GRID2: variants seen among roughly 807,000 people sequenced by gnomAD.
The protein encoded by GRID2 is glutamate receptor ionotropic, delta-2.
In GRID2, 33 loss-of-function variants were observed where a neutral mutation model predicts 114.8. The ratio of observed to expected loss-of-function variants is 0.29; its 90% CI spans 0.22 to 0.38. The LOEUF (loss-of-function observed/expected upper bound fraction) is 0.38. Ranked by LOEUF, GRID2 falls within the 10% of genes least tolerant of loss-of-function variation. GRID2 has a pLI of 1.00. For missense variants in GRID2, 1,184 were observed against 1,257.7 expected (o/e 0.94, Z 0.89); for synonymous variants, 505 against 449.9 (o/e 1.12, Z -1.55).
At chr4:92,965,481 AAAAAAAAAC>A (rs1560752206) in intron 2 of GRID2, among the ~76,000 whole-genome samples, 3 of 100,570 alleles carry the variant, frequency 3.0e-5, no homozygotes, top group African/African-American at 1.1e-4. Flanking sequence ...AAAAAAAAAA[AAAAAAAAAC>A]ACACAACATC....
At position 93,290,145 on chromosome 4, in the gene GRID2, C is replaced by T. The variant is rs76868834; in HGVS notation, c.1245+51655C>T. On this transcript the variant is annotated intron_variant, in intron 8 of 15. Coordinates refer to ENST00000282020, the MANE Select transcript of GRID2 (RefSeq NM_001510.4). ...AATCTGGCAAAACTGCCCGGTAGTT[C>T]ATAAAAATGACAATCTCTTTACAGT... Among the ~76,000 whole-genome samples, 1,093 of 152,256 alleles carry T rather than the reference C, an allele frequency of 7.2e-3. 11 individuals carry two copies. The highest frequency in any genetic ancestry group is 0.025 in the African/African-American group (1,031 of 41,552).
chr4:93,025,895 G>T (rs944003406), intron 2 of GRID2, among the ~76,000 whole-genome samples: 9 of 151,620 alleles, frequency 5.9e-5, no homozygotes, highest in Non-Finnish European at 1.3e-4. Flanking sequence ...TAAAAGAGAT[G>T]ATTTTGAATT....
intron 4 of GRID2, among the ~76,000 whole-genome samples, chr4:93,148,933 T>A (rs893176996): frequency 2.6e-5 from 4 of 152,222 alleles, no homozygotes; most frequent in African/African-American, 9.6e-5. Context: ...TTTCATGTAA[T>A]CTCATGACAA....
chr4:93,337,541 G>C (rs1759210537), intron 8 of GRID2, among the ~76,000 whole-genome samples: 1 of 152,146 alleles, frequency 6.6e-6, no homozygotes, highest in Admixed American at 6.5e-5. Flanking sequence ...TTGCTTCGAA[G>C]GGAGACACTA....
intron 3 of GRID2, among the ~76,000 whole-genome samples, chr4:93,094,451 T>A (rs1180509100): frequency 6.6e-6 from 1 of 152,078 alleles, no homozygotes; most frequent in African/African-American, 2.4e-5. Flanking sequence ...TTGTTTTGTT[T>A]ACTATGGCAC....
intron 10 of GRID2, among the ~76,000 whole-genome samples, chr4:93,446,633 A>ACTGT (rs912290376): frequency 6.6e-6 from 1 of 152,064 alleles, no homozygotes; most frequent in Non-Finnish European, 1.5e-5. Context: ...CCAAGGGGGC[A>ACTGT]CTGTCTCTCA....
At chr4:93,176,356 A>G (rs751403010) in intron 4 of GRID2, among the ~76,000 whole-genome samples, 14 of 152,216 alleles carry the variant, frequency 9.2e-5, no homozygotes, top group Non-Finnish European at 1.9e-4. Context: ...TAAATCATAA[A>G]TAGAAAGAAT....
chr4:93,473,463 AT>A (rs1264651658), intron 11 of GRID2, among the ~76,000 whole-genome samples: 1 of 152,166 alleles, frequency 6.6e-6, no homozygotes, highest in Non-Finnish European at 1.5e-5. Flanking sequence ...TCAGCTTTAC[AT>A]TACTGTGTCC....
intron 13 of GRID2, among the ~76,000 whole-genome samples, chr4:93,590,622 T>A (rs541249121): frequency 3.3e-5 from 5 of 152,210 alleles, no homozygotes; most frequent in Non-Finnish European, 5.9e-5. Flanking sequence ...GGGGATAGCA[T>A]TGAATCTGTA....
intron 2 of GRID2, among the ~76,000 whole-genome samples, chr4:93,073,711 G>T (rs975365519): frequency 6.6e-6 from 1 of 152,086 alleles, no homozygotes; most frequent in Non-Finnish European, 1.5e-5. Context: ...TATTGCTACT[G>T]GTAAAGACTC....
intron 8 of GRID2, among the ~76,000 whole-genome samples, chr4:93,296,717 C>T (rs1263236168): frequency 6.6e-6 from 1 of 152,120 alleles, no homozygotes; most frequent in African/African-American, 2.4e-5. Context: ...GATTATTTTG[C>T]ATTGAAAAAG....
intron 14 of GRID2, among the ~76,000 whole-genome samples, chr4:93,709,963 A>AT (rs1317973294): frequency 6.6e-6 from 1 of 152,024 alleles, no homozygotes; most frequent in Non-Finnish European, 1.5e-5. Context: ...AGAATTCTGA[A>AT]TTTTTTTCTC....
At chr4:92,760,237 CAAAAAAAAA>C (rs982301426) in intron 2 of GRID2, among the ~76,000 whole-genome samples, 1 of 38,410 alleles carries the variant, frequency 2.6e-5, no homozygotes, top group Non-Finnish European at 5.2e-5. Flanking sequence ...GACTCTGTCT[CAAAAAAAAA>C]AAAAAAAAAA....
intron 14 of GRID2, among the ~76,000 whole-genome samples, chr4:93,631,013 T>G (rs1229319875): frequency 6.6e-6 from 1 of 152,172 alleles, no homozygotes; most frequent in Non-Finnish European, 1.5e-5. Flanking sequence ...GTTGCTGTCC[T>G]AATTGTACAG....
At chr4:93,238,332 C>T (rs756409259) in intron 7 of GRID2, 39 bp from the exon 8 acceptor site, 22 of 1,451,274 alleles carry the variant, frequency 1.5e-5, no homozygotes, top group Non-Finnish European at 2.0e-5. Context: ...TATTTTTTTA[C>T]TTCTCAAATT....
At chr4:93,327,207 C>T (rs1043416889) in intron 8 of GRID2, among the ~76,000 whole-genome samples, 2 of 152,100 alleles carry the variant, frequency 1.3e-5, no homozygotes, top group East Asian at 3.9e-4. Flanking sequence ...TTAGACCTTT[C>T]CCTTTTGCTC....
chr4:93,578,390 T>A (rs1293237631), intron 13 of GRID2, among the ~76,000 whole-genome samples: 3 of 152,112 alleles, frequency 2.0e-5, no homozygotes, highest in African/African-American at 7.2e-5. Context: ...CTAAAGATTA[T>A]ACTGTTAAAA....
chr4:93,569,724 G>C (rs771828769), intron 13 of GRID2, among the ~76,000 whole-genome samples: 2 of 151,950 alleles, frequency 1.3e-5, no homozygotes, highest in African/African-American at 2.4e-5. Flanking sequence ...TCCTTCAGCC[G>C]CACTGGTCTT....
intron 2 of GRID2, among the ~76,000 whole-genome samples, chr4:92,981,375 A>G (rs1479804401): frequency 1.3e-5 from 2 of 152,076 alleles, no homozygotes; most frequent in African/African-American, 4.8e-5. Context: ...ATGCGTGCGT[A>G]TTATTGATCA....
Sources: allele counts gnomAD v4.1 joint callset (sites outside exome capture counted in the v4.1 genomes callset), GRCh38; gene constraint gnomAD v4.1.1; transcripts MANE v1.5; gene names NCBI Gene and HGNC (gene_info 2026-07-23, HGNC 2026-07-21).